The following PAK5 variants were observed in gnomAD, a reference collection of about 807,000 sequenced individuals.
The protein encoded by PAK5 is serine/threonine-protein kinase PAK 5.
In PAK5, 16 loss-of-function variants were observed where a neutral mutation model predicts 65.9. The ratio of observed to expected loss-of-function variants is 0.24; its 90% CI spans 0.16 to 0.37. The LOEUF is 0.37. Among genes scored for constraint, PAK5 ranks in the 10% least tolerant of loss-of-function variants. The pLI, the probability that PAK5 is intolerant of heterozygous loss-of-function variation, is 1.00. For synonymous variants in PAK5, 371 were observed against 354.9 expected (o/e 1.05, Z -0.51); for missense variants, 785 against 903.9 (o/e 0.87, Z 1.69).
At chr20:9,659,970 A>G (rs2047322368) in intron 2 of PAK5, among the ~76,000 whole-genome samples, 1 of 152,198 alleles carries the variant, frequency 6.6e-6, no homozygotes, top group African/African-American at 2.4e-5. Flanking sequence ...GGGAAAGGGC[A>G]AGAATGGGCT....
chr20:9,626,470 T>C (rs2123208751), intron 3 of PAK5, among the ~76,000 whole-genome samples: 1 of 152,338 alleles, frequency 6.6e-6, no homozygotes, highest in East Asian at 1.9e-4. Flanking sequence ...AACATTAGAT[T>C]GCACTACATG....
chr20:9,580,255 C>T lies in PAK5; in HGVS notation c.880G>A (p.Glu294Lys), dbSNP rs756198440. Residue 294 changes from glutamate to lysine, a missense_variant, in exon 4 of 10, where the codon GAA (glutamate) becomes AAA (lysine). By Grantham distance (56) the Glu-to-Lys change is moderately conservative (BLOSUM62 1). Around this residue, in one of 4 missense-constraint regions of PAK5, gnomAD observed 422 missense variants for 413.3 expected, o/e 1.02. Transcript: ENST00000353224. The stretch of plus-strand genomic sequence containing the variant: ...CTTGCTCCAAATGGCATCATCGGTT[C>T]CTGGAGTCCCGAGCCTGACCTGGAC... ...QRSRSGSGLQEPMMPFGASAF... is the reference protein window; with the variant it reads ...QRSRSGSGLQKPMMPFGASAF... 1.2e-6 allele frequency: 2 copies of T among 1,614,142 alleles called. No individual in the cohort carries two copies. Among genetic ancestry groups the T allele is most frequent in the Non-Finnish European group, 1.7e-6 (2 of 1,180,014 alleles).
intron 1 of PAK5, among the ~76,000 whole-genome samples, chr20:9,744,191 C>A (rs1251405005): frequency 6.6e-6 from 1 of 152,108 alleles, no homozygotes; most frequent in Non-Finnish European, 1.5e-5. Flanking sequence ...TTCTGGCCCC[C>A]AGACTGAGAG....
intron 1 of PAK5, among the ~76,000 whole-genome samples, chr20:9,732,555 T>C (rs1368457508): frequency 6.6e-6 from 1 of 152,188 alleles, no homozygotes; most frequent in East Asian, 1.9e-4. Flanking sequence ...CTGCCAGGTC[T>C]TTGTGATAAA....
intron 3 of PAK5, among the ~76,000 whole-genome samples, chr20:9,594,668 G>A (rs1323735991): frequency 2.0e-5 from 3 of 152,154 alleles, no homozygotes; most frequent in Non-Finnish European, 4.4e-5. Flanking sequence ...ACTCTGATAT[G>A]GGAGTCCCTC....
chr20:9,668,196 T>A (rs1175062928), intron 2 of PAK5, among the ~76,000 whole-genome samples: 1 of 152,184 alleles, frequency 6.6e-6, no homozygotes, highest in Non-Finnish European at 1.5e-5. Flanking sequence ...CAATAGCACA[T>A]GTACTCCTAA....
chr20:9,790,462 G>A (rs2049038671), intron 1 of PAK5, among the ~76,000 whole-genome samples: 1 of 152,002 alleles, frequency 6.6e-6, no homozygotes, highest in Non-Finnish European at 1.5e-5. Context: ...TTACACAAAG[G>A]TAGAATGATC....
intron 3 of PAK5, among the ~76,000 whole-genome samples, chr20:9,598,561 T>C (rs926312549): frequency 7.9e-5 from 12 of 152,370 alleles, no homozygotes; most frequent in African/African-American, 2.4e-4. Context: ...GTTGAACTAA[T>C]CTACATTTCT....
chr20:9,768,098 T>G (rs1407404298), intron 1 of PAK5, among the ~76,000 whole-genome samples: 1 of 152,128 alleles, frequency 6.6e-6, no homozygotes, highest in African/African-American at 2.4e-5. Flanking sequence ...ATGGACAACT[T>G]TTATTTTTTT....
In PAK5 at chr20:9,566,301, A is replaced by G. The variant is rs2123000962; in HGVS notation, c.1074T>C (p.Pro358=). The change falls in exon 5 of 10, where the codon CCT becomes CCC. Residue 358 remains proline (P), a synonymous_variant. Coordinates refer to ENST00000353224, the MANE Select transcript of PAK5 (RefSeq NM_177990.4). ...AATAGCCCGATTTGCTTTGACTTTG[A>G]GGTAGTTTGGCAGGGCCCCTGGGGT... ...DTYPRGPAKL[P]QSQSKSGYSS... is the part of the protein sequence containing the mutation. 6.2e-7 allele frequency: 1 copy of G among 1,613,464 alleles called. No individual in the cohort carries two copies. The highest frequency in any genetic ancestry group is 8.5e-7 in the Non-Finnish European group (1 of 1,179,920).
At chr20:9,735,549 G>C (rs911761462) in intron 1 of PAK5, among the ~76,000 whole-genome samples, 2 of 152,112 alleles carry the variant, frequency 1.3e-5, no homozygotes, top group African/African-American at 4.8e-5. Flanking sequence ...ACTCAGGAAG[G>C]TCTTGCCAAA....
chr20:9,771,654 C>G (rs1222221501), intron 1 of PAK5, among the ~76,000 whole-genome samples: 1 of 144,376 alleles, frequency 6.9e-6, no homozygotes, highest in African/African-American at 2.6e-5. Context: ...CTCCTGGCCT[C>G]AAGTAATCCT....
chr20:9,760,673 C>CTTTTTTTTTTTT (rs5840332), intron 1 of PAK5, among the ~76,000 whole-genome samples: 26 of 122,768 alleles, frequency 2.1e-4, no homozygotes, highest in East Asian at 4.8e-4. Context: ...CTTTTCTTTT[C>CTTTTTTTTTTTT]TTTTTTTTTT....
intron 3 of PAK5, among the ~76,000 whole-genome samples, chr20:9,592,523 T>C (rs978820812): frequency 6.6e-6 from 1 of 152,208 alleles, no homozygotes; most frequent in Non-Finnish European, 1.5e-5. Context: ...TTGTAAAAAT[T>C]TGGCATACTT....
chr20:9,697,374 G>A (rs1454842350), intron 2 of PAK5, among the ~76,000 whole-genome samples: 2 of 151,942 alleles, frequency 1.3e-5, no homozygotes, highest in East Asian at 3.9e-4. Context: ...ATCAATTTAT[G>A]TGTTTCTCCA....
At chr20:9,749,619 T>C (rs1569072026) in intron 1 of PAK5, among the ~76,000 whole-genome samples, 1 of 152,312 alleles carries the variant, frequency 6.6e-6, no homozygotes, top group East Asian at 1.9e-4. Flanking sequence ...GTTCCATAGA[T>C]TGATGTAATC....
chr20:9,719,082 G>GT (rs1395055301), intron 1 of PAK5, among the ~76,000 whole-genome samples: 1 of 152,110 alleles, frequency 6.6e-6, no homozygotes, highest in Non-Finnish European at 1.5e-5. Context: ...TCCCTTCACT[G>GT]TTGGAATAAG....
chr20:9,568,399 C>T (rs573778674), intron 4 of PAK5, among the ~76,000 whole-genome samples: 4 of 152,094 alleles, frequency 2.6e-5, no homozygotes, highest in Admixed American at 1.3e-4. Context: ...TCAAAGATGG[C>T]TATCAGGATT....
chr20:9,817,092 G>A (rs932764644), intron 1 of PAK5, among the ~76,000 whole-genome samples: 6 of 151,778 alleles, frequency 4.0e-5, no homozygotes, highest in African/African-American at 1.5e-4. Flanking sequence ...GTCCAGGCTG[G>A]GCAACATAGT....
Sources: allele counts gnomAD v4.1 joint callset (sites outside exome capture counted in the v4.1 genomes callset), GRCh38; gene constraint gnomAD v4.1.1; regional missense constraint gnomAD v4.1.1; transcripts MANE v1.5; gene names NCBI Gene and HGNC (gene_info 2026-07-23, HGNC 2026-07-21).